Variants in NFIX observed in about 807,000 individuals in gnomAD.
NFIX encodes nuclear factor 1 X-type.
In NFIX, 2 loss-of-function variants were observed where a neutral mutation model predicts 53.3. That is an observed-to-expected ratio of 0.04 (90% CI 0.02 to 0.12). NFIX has a LOEUF of 0.12. Among genes scored for constraint, NFIX ranks in the 10% least tolerant of loss-of-function variants. The pLI is 1.00. For synonymous variants in NFIX, 244 were observed against 289.0 expected, an observed-to-expected ratio of 0.84 and a Z score of 1.58; for missense variants, 310 against 674.5, an observed-to-expected ratio of 0.46 and a Z score of 5.99.
chr19:13,007,127 CCT>C (rs2012064459), intron 1 of NFIX, among the ~76,000 whole-genome samples: 3 of 152,176 alleles, frequency 2.0e-5, no homozygotes, highest in South Asian at 2.1e-4. Flanking sequence ...CCTTCCTCCC[CCT>C]CTCGCCTGCT....
rs949461218 is a variant in NFIX at position 13,078,756 on chromosome 19, G to A, written c.1078+21G>A. ...ACCAGGTGAGAAATGGGGGGCCCCG[G>A]AGGGGGGCAGTTGGGGAGGTGGCTG... On this transcript the variant is annotated intron_variant, in intron 7 of 10. Transcript: ENST00000592199. The surrounding 1 kb of genome is among the most constrained non-coding windows in gnomAD (Gnocchi z 4.7). 25 of 1,590,908 alleles carry A rather than the reference G, an allele frequency of 1.6e-5. No homozygotes were observed. Among genetic ancestry groups the A allele is most frequent in the Non-Finnish European group, 2.0e-5 (23 of 1,168,342 alleles).
Position 13,009,171 on chromosome 19 carries a change from A to G in NFIX, c.27+13307A>G, listed in dbSNP as rs906885308. Among the ~76,000 whole-genome samples the G allele has an allele frequency of 6.6e-6, 1 of 151,746 alleles. No homozygotes were observed. Among genetic ancestry groups the G allele is most frequent in the Admixed American group, 6.6e-5 (1 of 15,246 alleles). Reference sequence around the variant, plus strand: ...CTCACACACAACCTGTCACACACGCACACACACACACAGCGGCACAGTCGC... The same window carrying G: ...CTCACACACAACCTGTCACACACGCGCACACACACACAGCGGCACAGTCGC... On this transcript the variant is annotated intron_variant, in intron 1 of 10. Transcript: ENST00000592199. The surrounding 1 kb of genome is among the most constrained non-coding windows in gnomAD (Gnocchi z 4.7).
At chr19:13,031,673 G>A (rs1421769298) in intron 2 of NFIX, among the ~76,000 whole-genome samples, 1 of 152,332 alleles carries the variant, frequency 6.6e-6, no homozygotes, top group East Asian at 1.9e-4. Flanking sequence ...TGAACCTGCA[G>A]TGACCCATGC....
intron 2 of NFIX, among the ~76,000 whole-genome samples, chr19:13,063,024 GA>G (rs1409043723): frequency 1.3e-5 from 2 of 152,192 alleles, no homozygotes; most frequent in African/African-American, 4.8e-5. Context: ...TTCTTCCAAG[GA>G]AAGGGAACAG....
In NFIX at chr19:13,094,767, T is replaced by C; in HGVS notation, c.*118T>C. 9.0e-7 allele frequency: 1 copy of C among 1,112,298 alleles called. No individual in the cohort carries two copies. Among genetic ancestry groups the C allele is most frequent in the South Asian group, 1.4e-5 (1 of 71,428 alleles). 68.9% of individuals were successfully genotyped at this position (1,112,298 alleles called of 1,614,324 possible). Reference sequence around the variant, plus strand: ...GCCCAGCCCCACCGAAAAGCAAAAATTACACGTCGTCAGCCACTCAGCCCT... The same window carrying C: ...GCCCAGCCCCACCGAAAAGCAAAAACTACACGTCGTCAGCCACTCAGCCCT... On this transcript the variant is annotated 3_prime_UTR_variant, in exon 11 of 11. Coordinates refer to ENST00000592199, the MANE Select transcript of NFIX (RefSeq NM_001365902.3). This position sits in a 1 kb window ranked among gnomAD's most constrained non-coding sequence, Gnocchi z 4.3.
chr19:13,088,666 G>A lies in NFIX; in HGVS notation c.1402+530G>A, dbSNP rs1298128584. Among the ~76,000 whole-genome samples the A allele has an allele frequency of 1.3e-5, 2 of 150,956 alleles. No homozygotes were observed. Among genetic ancestry groups the A allele is most frequent in the Non-Finnish European group, 3.0e-5 (2 of 67,708 alleles). ...CCTCAAAGACGCAGCAGGCCAGCCC[G>A]ACCCCTTCCCCCTCAGTCTCACATT... is the stretch of plus-strand genomic sequence containing the variant. On this transcript the variant is annotated intron_variant, in intron 9 of 10. Coordinates refer to ENST00000592199, the MANE Select transcript of NFIX (RefSeq NM_001365902.3). This position sits in a 1 kb window ranked among gnomAD's most constrained non-coding sequence, Gnocchi z 5.9.
At chr19:13,085,218 G>A (rs1489277518) in intron 8 of NFIX, among the ~76,000 whole-genome samples, 1 of 152,190 alleles carries the variant, frequency 6.6e-6, no homozygotes, top group Non-Finnish European at 1.5e-5. Context: ...GCTGAGACAT[G>A]CCAGCCTGGT....
chr19:13,032,007 G>A (rs2013851342), intron 2 of NFIX, among the ~76,000 whole-genome samples: 1 of 146,068 alleles, frequency 6.8e-6, no homozygotes. Flanking sequence ...GAGCTGCCAC[G>A]CTTCAGTTAT....
Position 13,093,821 on chromosome 19 carries a change from G to A in NFIX, c.1495-814G>A, listed in dbSNP as rs1422910082. The stretch of plus-strand genomic sequence containing the variant: ...ACAGTAGACCCTGACCCACCACTTT[G>A]CCAGGAGGTGGGGCTGGAGCCTTGG... On this transcript the variant is annotated intron_variant, in intron 10 of 10. Transcript: ENST00000592199. This position sits in a 1 kb window ranked among gnomAD's most constrained non-coding sequence, Gnocchi z 4.7. 3.3e-5 allele frequency among the ~76,000 whole-genome samples: 5 copies of A among 152,104 alleles called. No homozygotes were observed.
chr19:13,058,257 C>A (rs1359777801), intron 2 of NFIX, among the ~76,000 whole-genome samples: 1 of 152,082 alleles, frequency 6.6e-6, no homozygotes, highest in Non-Finnish European at 1.5e-5. Flanking sequence ...CTCAGGAAAG[C>A]CCTCACCTCT....
At chr19:13,023,440 C>T (rs1179927182) in intron 1 of NFIX, among the ~76,000 whole-genome samples, 2 of 151,704 alleles carry the variant, frequency 1.3e-5, no homozygotes, top group African/African-American at 4.8e-5. Context: ...CCTTTTCCTC[C>T]GATCAGGCAG....
rs1354429099 is a variant in NFIX at position 13,011,209 on chromosome 19, A to T, written c.28-13812A>T. On this transcript the variant is annotated intron_variant, in intron 1 of 10. Transcript: ENST00000592199. The surrounding 1 kb of genome is among the most constrained non-coding windows in gnomAD (Gnocchi z 6.5). Reference sequence around the variant, plus strand: ...GGACCCCCCCTCCCCCAAGGGCCGGACTGCAGCTCCGAATCCCGCAGCCCC... The same window carrying T: ...GGACCCCCCCTCCCCCAAGGGCCGGTCTGCAGCTCCGAATCCCGCAGCCCC... 1.3e-5 allele frequency among the ~76,000 whole-genome samples: 2 copies of T among 152,042 alleles called. No individual in the cohort carries two copies. The highest frequency in any genetic ancestry group is 6.5e-5 in the Admixed American group (1 of 15,274).
At chr19:13,092,172 C>G (rs1392091278) in intron 10 of NFIX, among the ~76,000 whole-genome samples, 1 of 152,224 alleles carries the variant, frequency 6.6e-6, no homozygotes, top group Non-Finnish European at 1.5e-5. Context: ...GTGACTTTAG[C>G]TGATCTCTGG....
chr19:13,060,170 C>T lies in NFIX; in HGVS notation c.560-12877C>T, dbSNP rs1385752067. Among the ~76,000 whole-genome samples the T allele has an allele frequency of 1.3e-5, 2 of 152,220 alleles. No individual in the cohort carries two copies. Among genetic ancestry groups the T allele is most frequent in the African/African-American group, 4.8e-5 (2 of 41,456 alleles). On this transcript the variant is annotated intron_variant, in intron 2 of 10. Coordinates refer to ENST00000592199, the MANE Select transcript of NFIX (RefSeq NM_001365902.3). The surrounding 1 kb of genome is among the most constrained non-coding windows in gnomAD (Gnocchi z 4.3). ...GCTCTGGGGTGGGAGTAAGCCTGTT[C>T]TCAGCTCCCCTTTACTAGGGACAGG... is the stretch of plus-strand genomic sequence containing the variant.
At chr19:12,997,896 T>A (rs2011527389) in intron 1 of NFIX, among the ~76,000 whole-genome samples, 1 of 152,004 alleles carries the variant, frequency 6.6e-6, no homozygotes, top group Non-Finnish European at 1.5e-5. Flanking sequence ...TTACGACAGT[T>A]CCAGTGTGCC....
intron 2 of NFIX, among the ~76,000 whole-genome samples, chr19:13,048,523 G>A (rs1031471520): frequency 2.0e-5 from 3 of 150,798 alleles, no homozygotes; most frequent in African/African-American, 4.9e-5. Flanking sequence ...GGTTGGATTT[G>A]TCTTTTATTA....
At position 12,998,509 on chromosome 19, in the gene NFIX, G is replaced by A. The variant is rs770456963; in HGVS notation, c.27+2645G>A. 2.0e-5 allele frequency among the ~76,000 whole-genome samples: 3 copies of A among 152,056 alleles called. No homozygotes were observed. The highest frequency in any genetic ancestry group is 4.4e-5 in the Non-Finnish European group (3 of 68,028). On this transcript the variant is annotated intron_variant, in intron 1 of 10. Transcript: ENST00000592199. This position sits in a 1 kb window ranked among gnomAD's most constrained non-coding sequence, Gnocchi z 4.4. ...AAAAGCATCGAAATTCAGGGCGGCCGGGTGGGGCGGTTCCTGGAGCTGCTG... is the reference window on the plus strand; with the variant it reads ...AAAAGCATCGAAATTCAGGGCGGCCAGGTGGGGCGGTTCCTGGAGCTGCTG...
At position 13,078,037 on chromosome 19, in the gene NFIX, G is replaced by A. The variant is rs1441749560; in HGVS notation, c.956-576G>A. Among the ~76,000 whole-genome samples, 1 of 152,118 alleles carries A rather than the reference G, an allele frequency of 6.6e-6. No homozygotes were observed. The highest frequency in any genetic ancestry group is 1.5e-5 in the Non-Finnish European group (1 of 68,010). Reference sequence around the variant, plus strand: ...GCCCGGCTAGGCCTGAGCAGCCCAAGGACTCTCCAGGTCCTCTGGCCTCTG... The same window carrying A: ...GCCCGGCTAGGCCTGAGCAGCCCAAAGACTCTCCAGGTCCTCTGGCCTCTG... On this transcript the variant is annotated intron_variant, in intron 6 of 10. Coordinates refer to ENST00000592199, the MANE Select transcript of NFIX (RefSeq NM_001365902.3). This position sits in a 1 kb window ranked among gnomAD's most constrained non-coding sequence, Gnocchi z 4.7.
At position 13,036,198 on chromosome 19, in the gene NFIX, G is replaced by A. The variant is rs563869742; in HGVS notation, c.559+10646G>A. Reference sequence around the variant, plus strand: ...GACTTCCCAAGTCTCCTAGGAAGGCGAGGGCTCTCCTTCGTGTGGAGTAGA... The same window carrying A: ...GACTTCCCAAGTCTCCTAGGAAGGCAAGGGCTCTCCTTCGTGTGGAGTAGA... On this transcript the variant is annotated intron_variant, in intron 2 of 10. Transcript: ENST00000592199. The surrounding 1 kb of genome is among the most constrained non-coding windows in gnomAD (Gnocchi z 4.7). 2.8e-4 allele frequency among the ~76,000 whole-genome samples: 42 copies of A among 152,346 alleles called. No individual in the cohort carries two copies. Among genetic ancestry groups the A allele is most frequent in the Non-Finnish European group, 5.1e-4 (35 of 68,026 alleles).
Sources: allele counts gnomAD v4.1 joint callset (sites outside exome capture counted in the v4.1 genomes callset), GRCh38; gene constraint gnomAD v4.1.1; non-coding constraint Gnocchi (gnomAD v3.1); transcripts MANE v1.5; gene names NCBI Gene and HGNC (gene_info 2026-07-23, HGNC 2026-07-21).